The following SLC22A9 variants were observed in gnomAD, a reference collection of about 807,000 sequenced individuals.
SLC22A9 encodes organic anion transporter 7.
In SLC22A9, 64 loss-of-function variants were observed where a neutral mutation model predicts 50.1. The observed-to-expected ratio is 1.28, with a 90% confidence interval of 1.04 to 1.57. The LOEUF is 1.57. SLC22A9 is among the 40% of genes most tolerant of loss of function. The probability of loss-of-function intolerance (pLI) is 0.00; values close to 1 mark genes in which losing one functional copy is unlikely to be tolerated. For synonymous variants in SLC22A9, 261 were observed against 242.5 expected, an observed-to-expected ratio of 1.08 and a Z score of -0.71; for missense variants, 757 against 676.1, an observed-to-expected ratio of 1.12 and a Z score of -1.33.
chr11:63,389,092 A>G (rs1014035005), intron 6 of SLC22A9, among the ~76,000 whole-genome samples: 3 of 151,954 alleles, frequency 2.0e-5, no homozygotes, highest in Non-Finnish European at 4.4e-5. Flanking sequence ...AGTTTTGTTT[A>G]TCTTTTCAAA....
At chr11:63,377,045 C>A (rs1361527384) in intron 5 of SLC22A9, among the ~76,000 whole-genome samples, 2 of 152,134 alleles carry the variant, frequency 1.3e-5, no homozygotes, top group Non-Finnish European at 2.9e-5. Context: ...AAGATTCATA[C>A]AACGAGTTCT....
rs116286177 is a variant in SLC22A9, at chr11:63,380,333, T to C, written c.955-1826T>C. On this transcript the variant is annotated intron_variant, in intron 5 of 9. Coordinates refer to ENST00000279178, the MANE Select transcript of SLC22A9 (RefSeq NM_080866.3). ...ACCATTCGACCCAGCAATCTACTAC[T>C]GGGTGTATACCCCTCAAAATGCAAA... 7.4e-3 allele frequency among the ~76,000 whole-genome samples: 1,126 copies of C among 152,318 alleles called. 15 individuals carry two copies. The highest frequency in any genetic ancestry group is 0.026 in the African/African-American group (1,083 of 41,574).
intron 6 of SLC22A9, among the ~76,000 whole-genome samples, chr11:63,387,390 GAA>G (rs1467275276): frequency 1.3e-5 from 2 of 151,994 alleles, no homozygotes; most frequent in African/African-American, 4.8e-5. Flanking sequence ...ACCATGTATT[GAA>G]AAGACTGTCC....
chr11:63,402,815 T>C (rs1198603556), intron 6 of SLC22A9, among the ~76,000 whole-genome samples: 7 of 152,122 alleles, frequency 4.6e-5, no homozygotes, highest in Non-Finnish European at 1.0e-4. Context: ...CACTATACTG[T>C]CTTCACTCAA....
intron 6 of SLC22A9, among the ~76,000 whole-genome samples, chr11:63,387,697 T>C (rs532903382): frequency 1.9e-4 from 29 of 152,274 alleles, no homozygotes; most frequent in African/African-American, 7.0e-4. Context: ...AAAATGTCAT[T>C]GGTATTTTGA....
chr11:63,384,915 T>C lies in SLC22A9; in HGVS notation c.1073+2638T>C, dbSNP rs114527991. 6.1e-3 allele frequency among the ~76,000 whole-genome samples: 933 copies of C among 152,256 alleles called. 10 individuals carry two copies. The highest frequency in any genetic ancestry group is 0.021 in the African/African-American group (855 of 41,542). ...TGATGTTGAGCTTTTTTTCATATGT[T>C]TGTTAGCCACATGAACGTATGCTTT... On this transcript the variant is annotated intron_variant, in intron 6 of 9. Transcript: ENST00000279178.
At chr11:63,381,867 C>T (rs766929256) in intron 5 of SLC22A9, among the ~76,000 whole-genome samples, 8 of 152,092 alleles carry the variant, frequency 5.3e-5, no homozygotes, top group South Asian at 2.1e-4. Flanking sequence ...AATCTTTATT[C>T]GGTCCCCATC....
At chr11:63,374,844 G>A (rs972841384) in intron 4 of SLC22A9, among the ~76,000 whole-genome samples, 8 of 152,090 alleles carry the variant, frequency 5.3e-5, no homozygotes, top group Non-Finnish European at 1.2e-4. Context: ...TCTAAAGAAA[G>A]AGCTGCATGG....
chr11:63,388,726 T>G (rs934556878), intron 6 of SLC22A9, among the ~76,000 whole-genome samples: 2 of 152,036 alleles, frequency 1.3e-5, no homozygotes, highest in African/African-American at 2.4e-5. Context: ...CTGTATTTTT[T>G]TTTTGAATAA....
intron 6 of SLC22A9, among the ~76,000 whole-genome samples, chr11:63,389,084 TTTTG>T (rs1218786529): frequency 6.6e-6 from 1 of 152,182 alleles, no homozygotes; most frequent in Non-Finnish European, 1.5e-5. Flanking sequence ...TGTTTGTCAG[TTTTG>T]TTTATCTTTT....
Position 63,370,081 on chromosome 11 carries a change from C to A in SLC22A9, c.25C>A (p.His9Asn). 1 of 1,612,940 alleles carries A rather than the reference C, an allele frequency of 6.2e-7. No homozygotes were observed. The highest frequency in any genetic ancestry group is 1.1e-5 in the South Asian group (1 of 90,848). MAFQDLLG[H>N]AGDLWRFQIL... Reference sequence around the variant, plus strand: ...AATGGCCTTTCAGGACCTCCTGGGTCACGCTGGTGACCTGTGGAGATTCCA... The same window carrying A: ...AATGGCCTTTCAGGACCTCCTGGGTAACGCTGGTGACCTGTGGAGATTCCA... The change falls in exon 1 of 10, where the codon CAC becomes AAC. Residue 9 changes from histidine (H) to asparagine (N), a missense_variant. His to Asn is a moderately conservative substitution (Grantham distance 68). Transcript: ENST00000279178.
At chr11:63,390,628 T>C (rs971748369) in intron 6 of SLC22A9, among the ~76,000 whole-genome samples, 8 of 152,198 alleles carry the variant, frequency 5.3e-5, no homozygotes, top group Non-Finnish European at 1.2e-4. Flanking sequence ...GGTAGCATGA[T>C]GTCTCCAGCT....
intron 2 of SLC22A9, among the ~76,000 whole-genome samples, chr11:63,372,855 T>C (rs1040043530): frequency 4.6e-5 from 7 of 152,168 alleles, no homozygotes; most frequent in Non-Finnish European, 8.8e-5. Context: ...AGGATAAATT[T>C]ATTAGTTCTA....
intron 7 of SLC22A9, 51 bp downstream of exon 7, chr11:63,406,762 A>G: frequency 1.3e-6 from 2 of 1,573,940 alleles, no homozygotes; most frequent in African/African-American, 2.7e-5. Flanking sequence ...CTCTTTTCTC[A>G]GGGATTGTAC....
chr11:63,375,559 G>T, intron 4 of SLC22A9, 86 bp from the exon 5 acceptor site: 1 of 1,534,864 alleles, frequency 6.5e-7, no homozygotes, highest in Non-Finnish European at 8.8e-7. Flanking sequence ...ATATTAGCTT[G>T]GAGGGAGAAG....
chr11:63,370,165 C>T lies in SLC22A9; in HGVS notation c.109C>T (p.Leu37=). 2 of 1,614,030 alleles carry T rather than the reference C, an allele frequency of 1.2e-6. No individual in the cohort carries two copies. Among genetic ancestry groups the T allele is most frequent in the Non-Finnish European group, 1.7e-6 (2 of 1,179,920 alleles). The change falls in exon 1 of 10, where the codon CTG becomes TTG. Residue 37 remains leucine (L), a synonymous_variant. Transcript: ENST00000279178. ...FAVATYLHFM[L]ENFTAFIPGH... is the part of the protein sequence containing the mutation. The stretch of plus-strand genomic sequence containing the variant: ...TGTTGCTACATACCTTCATTTTATG[C>T]TGGAGAACTTCACTGCATTCATACC...
chr11:63,409,804 GAA>G lies in SLC22A9; in HGVS notation c.1607_1608del (p.Lys536ArgfsTer24). On this transcript the variant is annotated frameshift_variant, in exon 10 of 10. Transcript: ENST00000279178. LOFTEE classifies it low-confidence loss of function (END_TRUNC). Reference sequence around the variant, plus strand: ...TGGTTTCTTTGTATTTGTTCTAGGAGAAAAGACCCCAGAGAACCAAAGCAAGA... The same window carrying G: ...TGGTTTCTTTGTATTTGTTCTAGGAGAAGACCCCAGAGAACCAAAGCAAGA... The G allele has an allele frequency of 6.2e-7, 1 of 1,613,388 alleles. No homozygotes were observed. The highest frequency in any genetic ancestry group is 8.5e-7 in the Non-Finnish European group (1 of 1,179,706).
intron 6 of SLC22A9, among the ~76,000 whole-genome samples, chr11:63,399,326 A>G (rs2014915452): frequency 6.6e-6 from 1 of 152,192 alleles, no homozygotes; most frequent in African/African-American, 2.4e-5. Context: ...CTGTAAAATT[A>G]CACCTGCACT....
At chr11:63,402,202 C>T (rs1298178725) in intron 6 of SLC22A9, among the ~76,000 whole-genome samples, 1 of 151,922 alleles carries the variant, frequency 6.6e-6, no homozygotes, top group Admixed American at 6.6e-5. Flanking sequence ...TGATGTTCAG[C>T]GTGGTATTTC....
Sources: gnomAD v4.1 joint callset for allele counts (sites outside exome capture counted in the v4.1 genomes callset) on GRCh38, gnomAD v4.1.1 for gene constraint, MANE v1.5 for transcripts, NCBI Gene and HGNC (gene_info 2026-07-23, HGNC 2026-07-21) for gene names.